Variants in FAM13C observed in about 807,000 individuals in gnomAD.
FAM13C encodes the protein protein FAM13C.
FAM13C carries 37 observed loss-of-function variants against 73.2 expected under a neutral mutation model. That is an observed-to-expected ratio of 0.51 (90% CI 0.39 to 0.67). The LOEUF is 0.67. FAM13C is among the 30% of genes least tolerant of loss of function. The pLI, the probability that FAM13C is intolerant of heterozygous loss-of-function variation, is 0.00. For missense variants in FAM13C, 589 were observed against 715.6 expected, an observed-to-expected ratio of 0.82 and a Z score of 2.02; for synonymous variants, 246 against 260.9, an observed-to-expected ratio of 0.94 and a Z score of 0.55.
intron 13 of FAM13C, among the ~76,000 whole-genome samples, chr10:59,250,218 T>C (rs1365940949): frequency 6.6e-6 from 1 of 151,970 alleles, no homozygotes; most frequent in African/African-American, 2.4e-5. Context: ...TTACCCAAAG[T>C]ATAATAGGAG....
At position 59,355,927 on chromosome 10, in the gene FAM13C, C is replaced by T. The variant is rs1303656398; in HGVS notation, c.79G>A (p.Val27Ile). Reference protein sequence around the residue: ...TTVTECDEDPVSLHEDQTDCS... With the variant: ...TTVTECDEDPISLHEDQTDCS... ...TCAGTCTGGTCTTCATGTAGAGAGA[C>T]TGGATCTTCGTCACACCTGGAAGAG... The change falls in exon 2 of 14, where the codon GTC becomes ATC. Residue 27 changes from valine to isoleucine, a missense_variant. Val to Ile is a conservative substitution (Grantham distance 29). Coordinates refer to ENST00000618804, the MANE Select transcript of FAM13C (RefSeq NM_198215.4). The T allele has an allele frequency of 6.2e-7, 1 of 1,613,916 alleles. No homozygotes were observed. Among genetic ancestry groups the T allele is most frequent in the African/African-American group, 1.3e-5 (1 of 74,920 alleles).
chr10:59,278,829 CACAT>C (rs964982373), intron 6 of FAM13C, among the ~76,000 whole-genome samples: 5 of 139,480 alleles, frequency 3.6e-5, no homozygotes, highest in African/African-American at 1.2e-4. Context: ...ATGTCACATA[CACAT>C]ACACACACAC....
At chr10:59,346,587 AG>A (rs1017785184) in intron 3 of FAM13C, among the ~76,000 whole-genome samples, 1 of 152,136 alleles carries the variant, frequency 6.6e-6, no homozygotes, top group African/African-American at 2.4e-5. Flanking sequence ...ACCAGAGGGG[AG>A]GGCAGCAGGA....
At chr10:59,341,154 T>G (rs1853452361) in intron 3 of FAM13C, among the ~76,000 whole-genome samples, 1 of 152,110 alleles carries the variant, frequency 6.6e-6, no homozygotes. Flanking sequence ...TTAAACACTC[T>G]AAACGCCAAT....
chr10:59,264,909 T>C (rs1842868431), intron 8 of FAM13C, among the ~76,000 whole-genome samples: 1 of 152,114 alleles, frequency 6.6e-6, no homozygotes, highest in African/African-American at 2.4e-5. Context: ...ATTAAGGATG[T>C]ACAAGGAAGT....
intron 6 of FAM13C, among the ~76,000 whole-genome samples, chr10:59,271,373 T>C: frequency 6.6e-6 from 1 of 152,204 alleles, no homozygotes; most frequent in Non-Finnish European, 1.5e-5. Flanking sequence ...AAAGGCCTGA[T>C]TAGGTCCTCC....
At chr10:59,276,026 T>C (rs1844289119) in intron 6 of FAM13C, among the ~76,000 whole-genome samples, 1 of 152,164 alleles carries the variant, frequency 6.6e-6, no homozygotes, top group South Asian at 2.1e-4. Flanking sequence ...GGTTACAAAA[T>C]CACATAAAAA....
chr10:59,252,666 T>G, intron 12 of FAM13C, 133 bp downstream of exon 12: 1 of 758,046 alleles, frequency 1.3e-6, no homozygotes, highest in Non-Finnish European at 2.2e-6. Context: ...TGTAAGAGAC[T>G]AGGATAAAGG....
chr10:59,302,768 C>A, intron 5 of FAM13C, 33 bp downstream of exon 5: 1 of 1,586,450 alleles, frequency 6.3e-7, no homozygotes, highest in Non-Finnish European at 8.6e-7. Context: ...TTGGCTAATT[C>A]ATGTTCTTAT....
intron 4 of FAM13C, among the ~76,000 whole-genome samples, chr10:59,314,339 A>G (rs1849279754): frequency 6.6e-6 from 1 of 152,214 alleles, no homozygotes. Flanking sequence ...CATGCAGTTC[A>G]TTTAATCCTT....
chr10:59,333,628 T>C (rs910566843), intron 3 of FAM13C, among the ~76,000 whole-genome samples: 1 of 152,238 alleles, frequency 6.6e-6, no homozygotes, highest in Non-Finnish European at 1.5e-5. Context: ...ATCTCTACCA[T>C]GTTATTTTCT....
intron 3 of FAM13C, among the ~76,000 whole-genome samples, chr10:59,336,308 T>C (rs1287915409): frequency 6.6e-6 from 1 of 152,188 alleles, no homozygotes; most frequent in Non-Finnish European, 1.5e-5. Context: ...CTATACAGCA[T>C]TGTTTATAAG....
At chr10:59,334,215 A>G (rs1006396513) in intron 3 of FAM13C, among the ~76,000 whole-genome samples, 1 of 152,208 alleles carries the variant, frequency 6.6e-6, no homozygotes, top group African/African-American at 2.4e-5. Flanking sequence ...AAAAATAAGG[A>G]GGAAATGGAA....
At chr10:59,338,545 A>G (rs899034792) in intron 3 of FAM13C, among the ~76,000 whole-genome samples, 8 of 152,214 alleles carry the variant, frequency 5.3e-5, no homozygotes, top group African/African-American at 9.6e-5. Flanking sequence ...AACTACATTT[A>G]TGATTTTGAG....
At chr10:59,292,166 CACTT>C (rs562480543) in intron 5 of FAM13C, among the ~76,000 whole-genome samples, 32 of 152,192 alleles carry the variant, frequency 2.1e-4, no homozygotes, top group Admixed American at 8.5e-4. Flanking sequence ...CAATGTGTCT[CACTT>C]ACAACTCATG....
At chr10:59,310,888 A>T (rs575113797) in intron 4 of FAM13C, among the ~76,000 whole-genome samples, 15 of 152,324 alleles carry the variant, frequency 9.8e-5, no homozygotes, top group African/African-American at 2.9e-4. Flanking sequence ...GAAAAGTAGG[A>T]TGATGACATA....
chr10:59,332,009 G>A (rs1456274541), intron 3 of FAM13C, among the ~76,000 whole-genome samples: 1 of 152,102 alleles, frequency 6.6e-6, no homozygotes, highest in Non-Finnish European at 1.5e-5. Flanking sequence ...ACTAGGGCTG[G>A]CAATACATAT....
intron 10 of FAM13C, among the ~76,000 whole-genome samples, chr10:59,256,567 A>G (rs1370077977): frequency 1.3e-5 from 2 of 152,164 alleles, no homozygotes; most frequent in African/African-American, 4.8e-5. Flanking sequence ...TCCCTGAGGA[A>G]ACGTGAGGGT....
chr10:59,347,474 C>T (rs1854459529), intron 3 of FAM13C, among the ~76,000 whole-genome samples: 1 of 152,100 alleles, frequency 6.6e-6, no homozygotes, highest in Non-Finnish European at 1.5e-5. Context: ...TTAGGCCAAA[C>T]TTTAGACAGT....
Sources: allele counts gnomAD v4.1 joint callset (sites outside exome capture counted in the v4.1 genomes callset), GRCh38; gene constraint gnomAD v4.1.1; transcripts MANE v1.5; gene names NCBI Gene and HGNC (gene_info 2026-07-23, HGNC 2026-07-21).